Variants in SLC2A1 observed in about 807,000 individuals in gnomAD.
SLC2A1 encodes the protein solute carrier family 2, facilitated glucose transporter member 1.
SLC2A1 carries 4 observed loss-of-function variants against 46.6 expected under a neutral mutation model. That is an observed-to-expected ratio of 0.09 (90% confidence interval 0.04 to 0.20). The LOEUF (loss-of-function observed/expected upper bound fraction) is 0.20, where lower values mean the gene tolerates loss of function less well. Among genes scored for constraint, SLC2A1 ranks in the 10% least tolerant of loss-of-function variants. The pLI, the probability that SLC2A1 is intolerant of heterozygous loss-of-function variation, is 1.00. For missense variants in SLC2A1, 352 were observed against 667.0 expected, an observed-to-expected ratio of 0.53 and a Z score of 5.20; for synonymous variants, 253 against 270.0, an observed-to-expected ratio of 0.94 and a Z score of 0.62.
At position 42,930,320 on chromosome 1, in the gene SLC2A1, C is replaced by T; in HGVS notation, c.517-285G>A. 2 of 626,990 alleles carry T rather than the reference C, an allele frequency of 3.2e-6. No homozygotes were observed. Among genetic ancestry groups the T allele is most frequent in the Non-Finnish European group, 5.7e-6 (2 of 348,560 alleles). The allele number at this position is 626,990 out of a possible 1,614,324, so 38.8% of individuals were successfully genotyped here. On this transcript the variant is annotated intron_variant, in intron 4 of 9. Coordinates refer to ENST00000426263, the MANE Select transcript of SLC2A1 (RefSeq NM_006516.4). This position sits in a 1 kb window ranked among gnomAD's most constrained non-coding sequence, Gnocchi z 6.2. ...CTCTGCCACAAGAGGGTTTTGGGGA[C>T]AGGGAAGGGGAAGCCTCCTGGAGAG...
At chr1:42,936,302 C>T (rs764883606) in intron 2 of SLC2A1, among the ~76,000 whole-genome samples, 17 of 152,192 alleles carry the variant, frequency 1.1e-4, no homozygotes, top group Non-Finnish European at 1.9e-4. Flanking sequence ...CCAGCTTCTC[C>T]GGCTTAGCCT....
intron 2 of SLC2A1, among the ~76,000 whole-genome samples, chr1:42,940,753 T>A (rs566722047): frequency 1.3e-5 from 2 of 152,174 alleles, no homozygotes; most frequent in African/African-American, 4.8e-5. Context: ...GCCTTAATCT[T>A]CATTTCTCTT....
chr1:42,928,920 C>T lies in SLC2A1; in HGVS notation c.1074+12G>A, dbSNP rs767550156. On this transcript the variant is annotated intron_variant, in intron 8 of 9. Coordinates refer to ENST00000426263, the MANE Select transcript of SLC2A1 (RefSeq NM_006516.4). ...TCCCGCATCCCTCACTCTCCAGAAC[C>T]TAGCAACTCACCAGCAGTGCTAGCG... The T allele has an allele frequency of 2.0e-5, 32 of 1,611,626 alleles. No homozygotes were observed. The South Asian group carries it at 3.4e-4, about 17-fold the overall frequency.
Position 42,931,179 on chromosome 1 carries a change from A to G in SLC2A1, c.142T>C (p.Trp48Arg). The G allele has an allele frequency of 6.2e-7, 1 of 1,614,060 alleles. No homozygotes were observed. The highest frequency in any genetic ancestry group is 1.1e-5 in the South Asian group (1 of 91,078). Reference protein sequence around the residue: ...KVIEEFYNQTWVHRYGESILP... With the variant: ...KVIEEFYNQTRVHRYGESILP... ...ATGCTCTCCCCATAGCGGTGGACCC[A>G]TGTCTGGTTGTAGAACTCCTCGATC... Residue 48 changes from tryptophan (W) to arginine (R), a missense_variant, in exon 3 of 10, where the codon TGG (tryptophan) becomes CGG (arginine). Around this residue, in one of 5 missense-constraint regions of SLC2A1, gnomAD observed 97 missense variants for 175.6 expected, o/e 0.55. Coordinates refer to ENST00000426263, the MANE Select transcript of SLC2A1 (RefSeq NM_006516.4).
intron 2 of SLC2A1, among the ~76,000 whole-genome samples, chr1:42,942,530 C>T (rs926923220): frequency 2.0e-5 from 3 of 150,890 alleles, no homozygotes; most frequent in East Asian, 3.9e-4. Context: ...CTAGGATGCA[C>T]GGCAGGGAGG....
At chr1:42,941,320 C>G (rs976238563) in intron 2 of SLC2A1, among the ~76,000 whole-genome samples, 2 of 152,308 alleles carry the variant, frequency 1.3e-5, no homozygotes, top group African/African-American at 4.8e-5. Context: ...TCACAAGGCC[C>G]TTTGTGGTCT....
chr1:42,955,039 G>A (rs986229147), intron 1 of SLC2A1, among the ~76,000 whole-genome samples: 1 of 152,182 alleles, frequency 6.6e-6, no homozygotes, highest in Non-Finnish European at 1.5e-5. Flanking sequence ...GGGTTAGTGG[G>A]AGCTTTAATG....
intron 2 of SLC2A1, among the ~76,000 whole-genome samples, chr1:42,935,317 G>T (rs541961591): frequency 9.1e-4 from 139 of 152,236 alleles, no homozygotes; most frequent in African/African-American, 3.3e-3. Flanking sequence ...GGCTCTCCTG[G>T]GGTGAGGGGG....
Position 42,931,099 on chromosome 1 carries a change from A to G in SLC2A1, c.222T>C (p.Val74=). 6.2e-7 allele frequency: 1 copy of G among 1,614,100 alleles called. No homozygotes were observed. The highest frequency in any genetic ancestry group is 8.5e-7 in the Non-Finnish European group (1 of 1,179,986). Residue 74 remains valine (V), a synonymous_variant, in exon 3 of 10, where the codon GTT becomes GTC. Transcript: ENST00000426263. Reference sequence around the variant, plus strand: ...CAGAGAAGGAGCCAATCATGCCCCCAACAGAAAAGATGGCCACTGAGAGGG... The same window carrying G: ...CAGAGAAGGAGCCAATCATGCCCCCGACAGAAAAGATGGCCACTGAGAGGG... ...LWSLSVAIFS[V]GGMIGSFSVG...
chr1:42,948,318 T>G (rs1643679996), intron 1 of SLC2A1, among the ~76,000 whole-genome samples: 1 of 152,134 alleles, frequency 6.6e-6, no homozygotes, highest in African/African-American at 2.4e-5. Context: ...AGCCCCAGGG[T>G]TGGCCTGCAG....
chr1:42,945,188 G>A (rs751210), intron 1 of SLC2A1, among the ~76,000 whole-genome samples: 74,853 of 152,096 alleles, frequency 0.49, 21,874 homozygotes, highest in African/African-American at 0.82. Flanking sequence ...AGTATATACT[G>A]TATTTTTCTG....
chr1:42,955,263 T>C (rs1643760273), intron 1 of SLC2A1, among the ~76,000 whole-genome samples: 1 of 152,192 alleles, frequency 6.6e-6, no homozygotes, highest in Non-Finnish European at 1.5e-5. Context: ...GACACTGTAA[T>C]GATGAAAACT....
rs140970517 is a variant in SLC2A1, at chr1:42,944,847, C to T, written c.19-1526G>A. The stretch of plus-strand genomic sequence containing the variant: ...CCCTCATACCACAGGGACTCCATTC[C>T]CTCTAAATCCTCTGCATTGCCCAAC... On this transcript the variant is annotated intron_variant, in intron 1 of 9. Coordinates refer to ENST00000426263, the MANE Select transcript of SLC2A1 (RefSeq NM_006516.4). 4.3e-3 allele frequency among the ~76,000 whole-genome samples: 659 copies of T among 152,266 alleles called. 3 individuals carry two copies. Among genetic ancestry groups the T allele is most frequent in the Non-Finnish European group, 5.6e-3 (382 of 68,008 alleles).
At chr1:42,956,316 C>T (rs574716326) in intron 1 of SLC2A1, among the ~76,000 whole-genome samples, 2 of 149,226 alleles carry the variant, frequency 1.3e-5, no homozygotes, top group Admixed American at 1.4e-4. Flanking sequence ...AATCCCAGCA[C>T]TTTGGGAGGC....
Position 42,927,782 on chromosome 1 carries a change from C to A in SLC2A1, c.1101G>T (p.Leu367=). The change falls in exon 9 of 10, where the codon CTG becomes CTT. Residue 367 remains leucine, a synonymous_variant. Coordinates refer to ENST00000426263, the MANE Select transcript of SLC2A1 (RefSeq NM_006516.4). This position sits in a 1 kb window ranked among gnomAD's most constrained non-coding sequence, Gnocchi z 5.3. ...LLEQLPWMSY[L]SIVAIFGFVA... is the part of the protein sequence containing the mutation. ...CAAAGCCAAAGATGGCCACGATGCT[C>A]AGATAGGACATCCAGGGTAGCTGCT... 4 of 1,613,520 alleles carry A rather than the reference C, an allele frequency of 2.5e-6. No homozygotes were observed. The highest frequency in any genetic ancestry group is 3.4e-6 in the Non-Finnish European group (4 of 1,179,698).
intron 2 of SLC2A1, among the ~76,000 whole-genome samples, chr1:42,938,925 T>A (rs1354798755): frequency 6.6e-6 from 1 of 152,246 alleles, no homozygotes; most frequent in Non-Finnish European, 1.5e-5. Flanking sequence ...ACTCTGGCTT[T>A]CTCCAAGGGG....
At position 42,935,272 on chromosome 1, in the gene SLC2A1, T is replaced by A. The variant is rs571260379; in HGVS notation, c.115-4066A>T. On this transcript the variant is annotated intron_variant, in intron 2 of 9. Transcript: ENST00000426263. ...GGCAGCTGAGATCCTTTGAACCGGA[T>A]GGCTTCTGGTACGCGAAGCTATTCC... is the stretch of plus-strand genomic sequence containing the variant. Among the ~76,000 whole-genome samples the A allele has an allele frequency of 2.0e-5, 3 of 152,284 alleles. No individual in the cohort carries two copies. In the Middle Eastern group the frequency reaches 0.01, roughly 518 times the overall value.
intron 1 of SLC2A1, among the ~76,000 whole-genome samples, chr1:42,956,006 G>A (rs1643768539): frequency 6.6e-6 from 1 of 152,166 alleles, no homozygotes; most frequent in Non-Finnish European, 1.5e-5. Flanking sequence ...CTGGTTTTCA[G>A]ATCTTGTGTG....
At chr1:42,950,843 C>T (rs10890232) in intron 1 of SLC2A1, among the ~76,000 whole-genome samples, 56,315 of 151,704 alleles carry the variant, frequency 0.37, 13,305 homozygotes, top group African/African-American at 0.67. Flanking sequence ...GCGTGGGGGG[C>T]GCGCGCCTGT....
Sources: gnomAD v4.1 joint callset for allele counts (sites outside exome capture counted in the v4.1 genomes callset) on GRCh38, gnomAD v4.1.1 for gene constraint, gnomAD v4.1.1 regional missense constraint, Gnocchi (gnomAD v3.1) non-coding constraint, MANE v1.5 for transcripts, NCBI Gene and HGNC (gene_info 2026-07-23, HGNC 2026-07-21) for gene names.